CAP2: variants seen among roughly 807,000 people sequenced by gnomAD.
The protein encoded by CAP2 is cyclase associated actin cytoskeleton regulatory protein 2.
In CAP2, 24 loss-of-function variants were observed where a neutral mutation model predicts 57.7. That is an observed-to-expected ratio of 0.42 (90% CI 0.30 to 0.58). The LOEUF (loss-of-function observed/expected upper bound fraction) is 0.58. CAP2 is among the 20% of genes least tolerant of loss of function. The pLI is 0.22. For synonymous variants in CAP2, 194 were observed against 207.2 expected (o/e 0.94, Z 0.55); for missense variants, 501 against 590.3 (o/e 0.85, Z 1.57).
At chr6:17,448,461 T>C (rs987651213) in intron 3 of CAP2, among the ~76,000 whole-genome samples, 4 of 152,236 alleles carry the variant, frequency 2.6e-5, no homozygotes, top group African/African-American at 9.6e-5. Flanking sequence ...GTTCAGAATA[T>C]AAACTTCTAA....
At chr6:17,422,499 G>A (rs757523273) in intron 2 of CAP2, among the ~76,000 whole-genome samples, 5 of 151,746 alleles carry the variant, frequency 3.3e-5, no homozygotes, top group Admixed American at 6.6e-5. Context: ...ACAGGCGCCC[G>A]CCACCACGCC....
At chr6:17,423,960 TTTC>T in intron 2 of CAP2, among the ~76,000 whole-genome samples, 1 of 152,332 alleles carries the variant, frequency 6.6e-6, no homozygotes, top group Non-Finnish European at 1.5e-5. Context: ...ACCATTTCCA[TTTC>T]TTCTTAATTA....
intron 4 of CAP2, among the ~76,000 whole-genome samples, chr6:17,491,314 A>C (rs1355617879): frequency 6.6e-6 from 1 of 152,206 alleles, no homozygotes; most frequent in Admixed American, 6.5e-5. Context: ...CATTGTAAGC[A>C]TGTCCTTCTT....
At chr6:17,405,009 C>T (rs531275177) in intron 1 of CAP2, among the ~76,000 whole-genome samples, 3 of 152,240 alleles carry the variant, frequency 2.0e-5, no homozygotes, top group South Asian at 2.1e-4. Flanking sequence ...CTAAGACCCC[C>T]TGTTGATGCC....
At chr6:17,489,237 G>C (rs531365742) in intron 4 of CAP2, among the ~76,000 whole-genome samples, 51 of 152,278 alleles carry the variant, frequency 3.3e-4, no homozygotes, top group Non-Finnish European at 3.7e-4. Context: ...TTCAAGACCA[G>C]CCTGGTCAAC....
chr6:17,510,447 G>A (rs1334351945), intron 6 of CAP2, among the ~76,000 whole-genome samples: 3 of 152,190 alleles, frequency 2.0e-5, no homozygotes, highest in East Asian at 1.9e-4. Context: ...ACAGAACGCC[G>A]AATTCCAGGG....
intron 7 of CAP2, among the ~76,000 whole-genome samples, chr6:17,516,091 T>C (rs535405258): frequency 6.6e-5 from 10 of 152,352 alleles, no homozygotes; most frequent in African/African-American, 2.2e-4. Context: ...TCTGCAAGAC[T>C]CACCTCACAC....
intron 4 of CAP2, among the ~76,000 whole-genome samples, chr6:17,476,463 T>C (rs1261171004): frequency 6.6e-6 from 1 of 152,240 alleles, no homozygotes; most frequent in Non-Finnish European, 1.5e-5. Context: ...TCTTTTCCTC[T>C]CTTGACAGCA....
chr6:17,409,531 T>C (rs1321788015), intron 1 of CAP2, among the ~76,000 whole-genome samples: 1 of 152,172 alleles, frequency 6.6e-6, no homozygotes, highest in Non-Finnish European at 1.5e-5. Context: ...ATTATAATAA[T>C]GACATGTAGG....
chr6:17,420,962 T>C (rs986227202), intron 1 of CAP2, among the ~76,000 whole-genome samples: 3 of 150,002 alleles, frequency 2.0e-5, no homozygotes, highest in Non-Finnish European at 4.4e-5. Context: ...CAATTCGCAA[T>C]AGCAAAGATA....
chr6:17,461,992 C>CA (rs567675285), intron 3 of CAP2, among the ~76,000 whole-genome samples: 970 of 27,818 alleles, frequency 0.035, 219 homozygotes, highest in Non-Finnish European at 0.086. Context: ...GACTCCGTCT[C>CA]AAAAAAAAAA....
At chr6:17,470,745 T>C (rs772038031) in intron 4 of CAP2, among the ~76,000 whole-genome samples, 1 of 152,190 alleles carries the variant, frequency 6.6e-6, no homozygotes, top group African/African-American at 2.4e-5. Flanking sequence ...GTAACAGATT[T>C]GGTGAGCATT....
intron 1 of CAP2, among the ~76,000 whole-genome samples, chr6:17,405,454 A>C (rs1179084459): frequency 6.6e-6 from 1 of 152,146 alleles, no homozygotes; most frequent in Non-Finnish European, 1.5e-5. Context: ...AATAAACTAG[A>C]ACTTCATTGC....
In CAP2 at chr6:17,540,872, C is replaced by A. The variant is rs1762882140; in HGVS notation, c.827-101C>A. On this transcript the variant is annotated intron_variant, in intron 8 of 12. Transcript: ENST00000229922. ...TAGACTGTTTTGAAAGTGGCCTTAC[C>A]AAAAGTTCTTGTGCTCTTTATTTAC... 4.2e-6 allele frequency: 5 copies of A among 1,197,496 alleles called. No individual in the cohort carries two copies. In the East Asian group the frequency reaches 9.4e-5, roughly 22 times the overall value. 74.2% of individuals were successfully genotyped at this position (1,197,496 alleles called of 1,614,324 possible). A position where few individuals can be genotyped will look rare whatever the true frequency, so the allele number is the denominator to read the frequency against.
intron 1 of CAP2, among the ~76,000 whole-genome samples, chr6:17,398,964 T>C (rs1023528224): frequency 6.6e-6 from 1 of 152,216 alleles, no homozygotes; most frequent in African/African-American, 2.4e-5. Context: ...TAACTCTGGA[T>C]TCTCCTCTTC....
At chr6:17,512,705 T>C (rs776826388) in intron 6 of CAP2, among the ~76,000 whole-genome samples, 11 of 152,358 alleles carry the variant, frequency 7.2e-5, no homozygotes, top group Non-Finnish European at 1.3e-4. Context: ...AGATTTTTCA[T>C]ACATTTGATG....
chr6:17,541,774 C>T (rs9383292), intron 9 of CAP2, among the ~76,000 whole-genome samples: 80,060 of 151,896 alleles, frequency 0.53, 21,183 homozygotes, highest in Non-Finnish European at 0.55. Flanking sequence ...ACTATATGTT[C>T]GTACCCATTA....
At chr6:17,532,422 T>A (rs1232629708) in intron 7 of CAP2, among the ~76,000 whole-genome samples, 3 of 145,562 alleles carry the variant, frequency 2.1e-5, no homozygotes, top group African/African-American at 7.4e-5. Flanking sequence ...ATTACAGGCG[T>A]GAGCCACCGC....
intron 4 of CAP2, among the ~76,000 whole-genome samples, chr6:17,478,436 G>A (rs746762219): frequency 1.9e-4 from 29 of 151,274 alleles, no homozygotes; most frequent in Middle Eastern, 3.4e-3. Context: ...GTGAGTCACC[G>A]CACTGGGCCT....
Sources: gnomAD v4.1 joint callset for allele counts (sites outside exome capture counted in the v4.1 genomes callset) on GRCh38, gnomAD v4.1.1 for gene constraint, MANE v1.5 for transcripts, NCBI Gene and HGNC (gene_info 2026-07-23, HGNC 2026-07-21) for gene names.